The following FOXP1 variants were observed in gnomAD, a reference collection of about 807,000 sequenced individuals.
The protein encoded by FOXP1 is forkhead box protein P1.
Under a neutral mutation model 98.2 loss-of-function variants are expected in FOXP1, and 15 were observed. The observed-to-expected ratio is 0.15, with a 90% CI of 0.10 to 0.24. The LOEUF (loss-of-function observed/expected upper bound fraction) is 0.24, where lower values mean the gene tolerates loss of function less well. Among genes scored for constraint, FOXP1 ranks in the 10% least tolerant of loss-of-function variants. The pLI is 1.00. For missense variants in FOXP1, 633 were observed against 848.5 expected (o/e 0.75, Z 3.15); for synonymous variants, 371 against 314.5 (o/e 1.18, Z -1.90).
intron 4 of FOXP1, among the ~76,000 whole-genome samples, chr3:71,350,233 A>C (rs898532078): frequency 2.6e-5 from 4 of 152,126 alleles, no homozygotes; most frequent in Non-Finnish European, 5.9e-5. Flanking sequence ...GGTCATTCAA[A>C]AGCAAGTCTG....
intron 3 of FOXP1, among the ~76,000 whole-genome samples, chr3:71,453,479 C>T (rs2087151095): frequency 6.6e-6 from 1 of 152,166 alleles, no homozygotes; most frequent in East Asian, 1.9e-4. Context: ...CCCGGCAGCC[C>T]TACTGGCCGC....
At chr3:71,001,385 C>T (rs1328245875) in intron 12 of FOXP1, among the ~76,000 whole-genome samples, 1 of 152,154 alleles carries the variant, frequency 6.6e-6, no homozygotes. Context: ...GAGACAGGGC[C>T]TGCTAGGTAT....
chr3:71,027,301 C>T (rs1027180294), intron 11 of FOXP1, among the ~76,000 whole-genome samples: 3 of 152,140 alleles, frequency 2.0e-5, no homozygotes, highest in Admixed American at 6.6e-5. Flanking sequence ...TTCTTCCCCT[C>T]CCCAGTATGC....
chr3:71,099,217 A>T (rs1455781689), intron 7 of FOXP1, among the ~76,000 whole-genome samples: 6 of 152,206 alleles, frequency 3.9e-5, no homozygotes, highest in Admixed American at 6.5e-5. Context: ...TTCCCTTTAA[A>T]AACAGCTTTT....
intron 11 of FOXP1, among the ~76,000 whole-genome samples, chr3:71,040,029 T>A (rs2048126943): frequency 6.6e-6 from 1 of 152,076 alleles, no homozygotes; most frequent in Admixed American, 6.6e-5. Flanking sequence ...AGTTAAAACA[T>A]ATGTATTATC....
At chr3:71,246,184 C>T (rs539912656) in intron 5 of FOXP1, among the ~76,000 whole-genome samples, 1 of 152,196 alleles carries the variant, frequency 6.6e-6, no homozygotes, top group Non-Finnish European at 1.5e-5. Flanking sequence ...AGGTGAGAGC[C>T]GTGGCTGCTC....
At chr3:71,308,924 A>T (rs894137294) in intron 4 of FOXP1, among the ~76,000 whole-genome samples, 2 of 152,134 alleles carry the variant, frequency 1.3e-5, no homozygotes, top group African/African-American at 4.8e-5. Context: ...ACTGCAAAAT[A>T]GAATTTCCTT....
At position 70,971,716 on chromosome 3, in the gene FOXP1, G is replaced by C. The variant is rs184390493; in HGVS notation, c.1652+839C>G. On this transcript the variant is annotated intron_variant, in intron 18 of 20. Transcript: ENST00000649528. ...AAAAATTCCCTTTTTACTTGGGGTGGGGAGAGAGGGGGGATTATGGGTTAA... is the reference window on the plus strand; with the variant it reads ...AAAAATTCCCTTTTTACTTGGGGTGCGGAGAGAGGGGGGATTATGGGTTAA... 713 of 274,032 alleles carry C rather than the reference G, an allele frequency of 2.6e-3. 5 individuals are homozygous for C. Among genetic ancestry groups the C allele is most frequent in the African/African-American group, 0.014 (656 of 45,872 alleles). The allele number at this position is 274,032 out of a possible 1,614,324, so 17.0% of individuals were successfully genotyped here.
rs562841897 is a variant in FOXP1 at position 71,260,480 on chromosome 3, T to A, written c.-12+39340A>T. ...GTTAAACATTCACATGTTCCTAAAA[T>A]GGCATGCAATAAGTAATTTAATTAT... On this transcript the variant is annotated intron_variant, in intron 5 of 20. Coordinates refer to ENST00000649528, the MANE Select transcript of FOXP1 (RefSeq NM_001349338.3). 1.3e-4 allele frequency among the ~76,000 whole-genome samples: 20 copies of A among 152,204 alleles called. 1 individual carries two copies. Among genetic ancestry groups the A allele is most frequent in the South Asian group, 1.2e-3 (6 of 4,822 alleles).
intron 7 of FOXP1, among the ~76,000 whole-genome samples, chr3:71,109,177 A>G (rs1403876166): frequency 6.6e-6 from 1 of 152,226 alleles, no homozygotes; most frequent in Admixed American, 6.5e-5. Context: ...GATTTGGTTC[A>G]GTATGTGGAT....
intron 12 of FOXP1, among the ~76,000 whole-genome samples, chr3:71,004,361 T>A (rs1442001878): frequency 6.6e-6 from 1 of 152,182 alleles, no homozygotes; most frequent in Non-Finnish European, 1.5e-5. Context: ...TTCTGAAAGC[T>A]AGAAATGTAA....
At chr3:71,563,414 C>T (rs1156641776) in intron 2 of FOXP1, among the ~76,000 whole-genome samples, 5 of 152,168 alleles carry the variant, frequency 3.3e-5, no homozygotes, top group East Asian at 1.9e-4. Flanking sequence ...ATGCAAAGAT[C>T]GGCAACTGGC....
intron 2 of FOXP1, among the ~76,000 whole-genome samples, chr3:71,495,818 G>GA (rs1258437318): frequency 1.3e-5 from 2 of 152,156 alleles, no homozygotes; most frequent in Non-Finnish European, 2.9e-5. Flanking sequence ...TTGCTCAAGT[G>GA]AATTTTGGCA....
intron 13 of FOXP1, among the ~76,000 whole-genome samples, chr3:71,000,659 G>C (rs1203400326): frequency 6.6e-5 from 10 of 152,136 alleles, no homozygotes; most frequent in African/African-American, 2.4e-4. Flanking sequence ...AGAAGAGAGG[G>C]AAAGTGAGAG....
At chr3:71,439,870 C>T (rs974438213) in intron 3 of FOXP1, among the ~76,000 whole-genome samples, 1 of 150,034 alleles carries the variant, frequency 6.7e-6, no homozygotes, top group African/African-American at 2.5e-5. Flanking sequence ...TGCCTGAACC[C>T]AGGAGATGGG....
chr3:71,164,385 G>A (rs2061303884), intron 6 of FOXP1, among the ~76,000 whole-genome samples: 1 of 152,044 alleles, frequency 6.6e-6, no homozygotes, highest in Non-Finnish European at 1.5e-5. Flanking sequence ...ATTTTTAGTG[G>A]AGACAGGTTT....
At chr3:71,175,972 G>T (rs1328125018) in intron 6 of FOXP1, among the ~76,000 whole-genome samples, 1 of 152,152 alleles carries the variant, frequency 6.6e-6, no homozygotes, top group Non-Finnish European at 1.5e-5. Context: ...CACTCTTGAA[G>T]CAAAATAATC....
At chr3:70,987,010 C>G (rs780924190) in intron 14 of FOXP1, among the ~76,000 whole-genome samples, 2 of 152,196 alleles carry the variant, frequency 1.3e-5, no homozygotes, top group Non-Finnish European at 1.5e-5. Context: ...TAAACCAATA[C>G]TTTGCCATTA....
At chr3:71,379,889 G>T (rs2080010735) in intron 3 of FOXP1, among the ~76,000 whole-genome samples, 1 of 152,118 alleles carries the variant, frequency 6.6e-6, no homozygotes, top group Non-Finnish European at 1.5e-5. Context: ...TTTACTTTAG[G>T]TAATCATCTA....
Sources: gnomAD v4.1 joint callset for allele counts (sites outside exome capture counted in the v4.1 genomes callset) on GRCh38, gnomAD v4.1.1 for gene constraint, MANE v1.5 for transcripts, NCBI Gene and HGNC (gene_info 2026-07-23, HGNC 2026-07-21) for gene names.